The following ING5 variants were observed in gnomAD, a reference collection of about 807,000 sequenced individuals.
ING5 encodes the protein inhibitor of growth family member 5, also known as inhibitor of growth protein 5.
A neutral mutation model predicts 37.4 loss-of-function variants in ING5; 17 were observed. That is an observed-to-expected ratio of 0.45 (90% CI 0.31 to 0.68). ING5 has a LOEUF of 0.68. Ranked by LOEUF, ING5 falls within the 30% of genes least tolerant of loss-of-function variation. The pLI, the probability that ING5 is intolerant of heterozygous loss-of-function variation, is 0.05. For synonymous variants in ING5, 123 were observed against 116.6 expected (o/e 1.06, Z -0.36); for missense variants, 233 against 311.9 (o/e 0.75, Z 1.91).
intron 4 of ING5, 71 bp downstream of exon 4, chr2:241,711,559 T>C: frequency 9.0e-7 from 1 of 1,107,350 alleles, no homozygotes; most frequent in Non-Finnish European, 1.3e-6. Context: ...TTTGTCACGG[T>C]AAATCATTAA....
Position 241,711,415 on chromosome 2 carries a change from G to T in ING5, c.315G>T (p.Ala105=). 3.1e-6 allele frequency: 5 copies of T among 1,587,670 alleles called. No individual in the cohort carries two copies. The highest frequency in any genetic ancestry group is 4.3e-6 in the Non-Finnish European group (5 of 1,168,508). The change falls in exon 4 of 8, where the codon GCG becomes GCT. Residue 105 remains alanine, a synonymous_variant. Coordinates refer to ENST00000313552, the MANE Select transcript of ING5 (RefSeq NM_032329.6). Reference sequence around the variant, plus strand: ...TTCGAAGGCTTGATGCAGACCTGGCGCGCTTTGAAGCAGATCTGAAGGACA... The same window carrying T: ...TTCGAAGGCTTGATGCAGACCTGGCTCGCTTTGAAGCAGATCTGAAGGACA... The part of the protein sequence containing the change: ...KHIRRLDADL[A]RFEADLKDKM...
intron 2 of ING5, among the ~76,000 whole-genome samples, chr2:241,693,652 CTTTTTTTTT>C (rs1185556171): frequency 7.6e-5 from 6 of 78,568 alleles, no homozygotes; most frequent in South Asian, 1.1e-3. Flanking sequence ...AAATACAACT[CTTTTTTTTT>C]TTTTTTTTTT....
At chr2:241,703,438 C>T (rs6437282) in intron 1 of ING5, among the ~76,000 whole-genome samples, 5 of 151,736 alleles carry the variant, frequency 3.3e-5, no homozygotes, top group African/African-American at 1.2e-4. Context: ...AAAGCAGACG[C>T]GAAAGCAGCA....
intron 7 of ING5, chr2:241,723,862 T>A (rs1486681106): frequency 1.3e-6 from 2 of 1,508,182 alleles, no homozygotes; most frequent in South Asian, 1.1e-5. Context: ...ATACAAAAAT[T>A]AGCTGGGCGT....
chr2:241,694,624 T>A (rs935268219), intron 2 of ING5, among the ~76,000 whole-genome samples: 1 of 151,724 alleles, frequency 6.6e-6, no homozygotes, highest in African/African-American at 2.4e-5. Flanking sequence ...AAAAGCCTGA[T>A]GAAATCTAGG....
chr2:241,699,563 G>A (rs1575117521), upstream of ING5, among the ~76,000 whole-genome samples: 1 of 152,092 alleles, frequency 6.6e-6, no homozygotes, highest in Non-Finnish European at 1.5e-5. Flanking sequence ...TTGAGTCACA[G>A]CAGCTGGCTT....
intron 2 of ING5, chr2:241,690,751 G>A (rs553042691): frequency 2.3e-5 from 9 of 396,166 alleles, no homozygotes; most frequent in African/African-American, 1.6e-4. Context: ...GATAATTGCA[G>A]AAAGATGCAG....
chr2:241,710,742 C>A (rs546807870), intron 3 of ING5, among the ~76,000 whole-genome samples: 3 of 152,126 alleles, frequency 2.0e-5, no homozygotes, highest in Non-Finnish European at 4.4e-5. Context: ...CCTCAGCCTC[C>A]CAAAGTGCTG....
intron 1 of ING5, among the ~76,000 whole-genome samples, chr2:241,702,768 A>T (rs901449448): frequency 1.3e-5 from 2 of 152,132 alleles, no homozygotes; most frequent in African/African-American, 4.8e-5. Flanking sequence ...CACTTTACAC[A>T]CCAGGGAAGG....
At chr2:241,708,308 C>T (rs559375199) in intron 2 of ING5, among the ~76,000 whole-genome samples, 14 of 150,338 alleles carry the variant, frequency 9.3e-5, no homozygotes, top group East Asian at 4.0e-4. Flanking sequence ...CCTGGGTTCA[C>T]GCCATTCTCC....
chr2:241,723,652 C>G (rs1691488684), intron 7 of ING5: 4 of 1,033,302 alleles, frequency 3.9e-6, no homozygotes, highest in Non-Finnish European at 5.9e-6. Context: ...GGAAATATAG[C>G]ATGAGATGTG....
intron 2 of ING5, among the ~76,000 whole-genome samples, chr2:241,695,460 G>C (rs1039983753): frequency 2.0e-5 from 3 of 152,184 alleles, no homozygotes; most frequent in Non-Finnish European, 4.4e-5. Context: ...GGCCAAGGTG[G>C]GTGGATCACA....
intron 2 of ING5, among the ~76,000 whole-genome samples, chr2:241,692,996 C>G (rs991786538): frequency 6.6e-6 from 1 of 152,136 alleles, no homozygotes; most frequent in Non-Finnish European, 1.5e-5. Flanking sequence ...TGCGTTGGCT[C>G]ACGCCTGTAA....
chr2:241,719,011 C>T (rs1162112000), intron 5 of ING5, among the ~76,000 whole-genome samples: 1 of 152,222 alleles, frequency 6.6e-6, no homozygotes. Context: ...GGTGTTCGTT[C>T]TGTTTTAGTC....
intron 2 of ING5, among the ~76,000 whole-genome samples, chr2:241,706,637 A>AG (rs1261622149): frequency 2.0e-5 from 3 of 150,748 alleles, no homozygotes; most frequent in Non-Finnish European, 3.0e-5. Context: ...AAAAAAAAAA[A>AG]AAAAAAGAAA....
In ING5 at chr2:241,719,803, C is replaced by T. The variant is rs747268210; in HGVS notation, c.483-3136C>T. The T allele has an allele frequency of 3.5e-5, 51 of 1,438,420 alleles. No homozygotes were observed. The Middle Eastern group carries it at 1.2e-3, about 33-fold the overall frequency. 89.1% of individuals were successfully genotyped at this position (1,438,420 alleles called of 1,614,324 possible). A position where few individuals can be genotyped will look rare whatever the true frequency, so the allele number is the denominator to read the frequency against. On this transcript the variant is annotated intron_variant, in intron 5 of 7. Transcript: ENST00000313552. ...CATGGCTTTTCCTGTCCTGACAGTG[C>T]GCTGACCAGCACTGTTTAGTAGCAA...
chr2:241,689,569 G>A (rs1173338338), intron 1 of ING5, among the ~76,000 whole-genome samples: 4 of 152,308 alleles, frequency 2.6e-5, no homozygotes, highest in East Asian at 3.9e-4. Flanking sequence ...CATGTGCACA[G>A]TGAGGGCTGG....
At chr2:241,698,157 G>A (rs1470547081), upstream of ING5, among the ~76,000 whole-genome samples, 1 of 86,198 alleles carries the variant, frequency 1.2e-5, no homozygotes, top group African/African-American at 4.8e-5. Flanking sequence ...TAATAATAAT[G>A]TATCGGGCCC....
chr2:241,687,254 C>T (rs2069450978), exon 1 of ING5: 2 of 397,712 alleles, frequency 5.0e-6, no homozygotes, highest in Admixed American at 4.4e-5. Context: ...AGCGTGAGGG[C>T]TCCGGTCACG....
Sources: gnomAD v4.1 joint callset for allele counts (sites outside exome capture counted in the v4.1 genomes callset) on GRCh38, gnomAD v4.1.1 for gene constraint, MANE v1.5 for transcripts, NCBI Gene and HGNC (gene_info 2026-07-23, HGNC 2026-07-21) for gene names.